SMG1: variants seen among roughly 807,000 people sequenced by gnomAD.
SMG1 encodes the protein serine/threonine-protein kinase SMG1.
In SMG1, 22 loss-of-function variants were observed where a neutral mutation model predicts 419.9. The observed-to-expected ratio is 0.05, with a 90% CI of 0.04 to 0.07. SMG1 has a LOEUF of 0.07. Among genes scored for constraint, SMG1 ranks in the 10% least tolerant of loss-of-function variants. The pLI is 1.00. For missense variants in SMG1, 3,185 were observed against 4,342.0 expected (o/e 0.73, Z 7.49); for synonymous variants, 1,538 against 1,553.5 (o/e 0.99, Z 0.23).
Position 18,817,431 on chromosome 16 carries a change from A to G in SMG1, c.9934T>C (p.Leu3312=). ...AAGGCTTCTGCAGTTCTTGTTCGTA[A>G]ACTTTCAAAATGAATGATATTGCTG... ...LCSNIIHFES[L]RTRTAEALNL... The change falls in exon 57 of 63, where the codon TTA becomes CTA. Residue 3312 remains leucine, a synonymous_variant. Transcript: ENST00000446231. The G allele has an allele frequency of 6.3e-7, 1 of 1,591,978 alleles. No homozygotes were observed. The highest frequency in any genetic ancestry group is 1.3e-5 in the African/African-American group (1 of 74,710).
chr16:18,874,866 C>CAAA (rs148468415), intron 13 of SMG1, among the ~76,000 whole-genome samples: 9 of 49,660 alleles, frequency 1.8e-4, no homozygotes, highest in South Asian at 9.7e-4. Context: ...GACTCTGTCT[C>CAAA]AAAAAAAAAA....
intron 51 of SMG1, among the ~76,000 whole-genome samples, chr16:18,831,814 AATAT>A (rs2033204766): frequency 6.7e-6 from 1 of 149,242 alleles, no homozygotes; most frequent in Non-Finnish European, 1.5e-5. Context: ...CATATTTATG[AATAT>A]ATATGAATAT....
intron 57 of SMG1, 41 bp from the exon 58 acceptor site, chr16:18,816,570 G>C: frequency 6.6e-7 from 1 of 1,522,662 alleles, no homozygotes; most frequent in Non-Finnish European, 9.0e-7. Context: ...AGTATCAGCT[G>C]AAATAATGAG....
chr16:18,848,614 G>A (rs2034404261), intron 36 of SMG1, among the ~76,000 whole-genome samples: 1 of 151,734 alleles, frequency 6.6e-6, no homozygotes, highest in Non-Finnish European at 1.5e-5. Flanking sequence ...CCAAAAATTG[G>A]TATAATTCTT....
At chr16:18,870,534 G>A in intron 18 of SMG1, 76 bp downstream of exon 18, 1 of 834,190 alleles carries the variant, frequency 1.2e-6, no homozygotes, top group Non-Finnish European at 2.0e-6. Context: ...TAGGTGATCT[G>A]TCTTCTCCTA....
In SMG1 at chr16:18,879,495, C is replaced by T. The variant is rs1284816169; in HGVS notation, c.1518G>A (p.Leu506=). 7.7e-6 allele frequency: 6 copies of T among 781,444 alleles called. No homozygotes were observed. In the Admixed American group the frequency reaches 1.0e-4, roughly 13 times the overall value. 48.4% of individuals were successfully genotyped at this position (781,444 alleles called of 1,614,324 possible). ...AAAAGGAAAAGAATAATTCACATAC[C>T]AGCGTGAGTAAATTCAAGACTGAGA... ...YIISVLNLLT[L]IVEQINTKLP... The change falls in exon 11 of 63, where the codon CTG becomes CTA. Residue 506 remains leucine (L), a splice_region_variant and synonymous_variant. Coordinates refer to ENST00000446231, the MANE Select transcript of SMG1 (RefSeq NM_015092.5).
intron 55 of SMG1, among the ~76,000 whole-genome samples, chr16:18,821,402 G>T (rs796673041): frequency 3.0e-5 from 1 of 33,822 alleles, no homozygotes; most frequent in Non-Finnish European, 6.4e-5. Context: ...TATCCCTCCC[G>T]CCTCCCCCGA....
At chr16:18,860,513 A>G (rs1253923696) in intron 26 of SMG1, among the ~76,000 whole-genome samples, 154 bp downstream of exon 26, 1 of 151,668 alleles carries the variant, frequency 6.6e-6, no homozygotes, top group Non-Finnish European at 1.5e-5. Flanking sequence ...CAAATCAAAC[A>G]TAAATAGGGC....
Position 18,811,809 on chromosome 16 carries a change from T to C in SMG1, c.10860A>G (p.Leu3620=), listed in dbSNP as rs2031430460. The C allele has an allele frequency of 1.2e-6, 2 of 1,614,030 alleles. No homozygotes were observed. Among genetic ancestry groups the C allele is most frequent in the Non-Finnish European group, 1.7e-6 (2 of 1,179,876 alleles). The change falls in exon 62 of 63, where the codon TTA becomes TTG. Residue 3620 remains leucine (L), a synonymous_variant. Transcript: ENST00000446231. ...VSVWKRVKAK[L]EGRDVDPNRR... ...TATTCGGATCAACATCTCGGCCCTC[T>C]AACTTGGCTTTCACTCTCTTCCACA...
intron 3 of SMG1, among the ~76,000 whole-genome samples, chr16:18,893,140 A>G (rs1236397747): frequency 3.3e-5 from 5 of 152,244 alleles, no homozygotes; most frequent in African/African-American, 1.2e-4. Flanking sequence ...TCTTATTCAC[A>G]TTATCATCAT....
chr16:18,843,936 GAC>G (rs912412815), intron 39 of SMG1, among the ~76,000 whole-genome samples: 148 of 152,072 alleles, frequency 9.7e-4, no homozygotes, highest in African/African-American at 3.5e-3. Context: ...CTAAAAGAGA[GAC>G]ACAGGTATTC....
chr16:18,829,634 G>A lies in SMG1; in HGVS notation c.9255C>T (p.Phe3085=), dbSNP rs1225548065. ...EDQMAKPIKA[F]TADFVRQLLI... ...AGAGCTGCCTCACAAAGTCAGCTGT[G>A]AATGCCTTGATAGGTTTGGCCATTT... Residue 3085 remains phenylalanine (F), a synonymous_variant, in exon 54 of 63, where the codon TTC becomes TTT. Coordinates refer to ENST00000446231, the MANE Select transcript of SMG1 (RefSeq NM_015092.5). The A allele has an allele frequency of 6.2e-7, 1 of 1,613,974 alleles. No individual in the cohort carries two copies. Among genetic ancestry groups the A allele is most frequent in the Non-Finnish European group, 8.5e-7 (1 of 1,179,880 alleles).
intron 1 of SMG1, among the ~76,000 whole-genome samples, chr16:18,922,488 A>T (rs1446568689): frequency 3.3e-5 from 5 of 152,148 alleles, no homozygotes; most frequent in Non-Finnish European, 7.3e-5. Flanking sequence ...TTCTTTGAGA[A>T]GGAGTCTTGC....
In SMG1 at chr16:18,816,081, T is replaced by C. The variant is rs146061948; in HGVS notation, c.10302+221A>G. The C allele has an allele frequency of 2.6e-3, 1,449 of 554,978 alleles. 1 individual carries two copies. The highest frequency in any genetic ancestry group is 3.8e-3 in the Non-Finnish European group (1,185 of 314,562). 34.4% of individuals were successfully genotyped at this position (554,978 alleles called of 1,614,324 possible). ...CAAGTTATATCACAATAAAGGAATC[T>C]AATTAAGCCTTAGCTTCTCTGTGTA... On this transcript the variant is annotated intron_variant, in intron 58 of 62. Coordinates refer to ENST00000446231, the MANE Select transcript of SMG1 (RefSeq NM_015092.5).
chr16:18,812,093 A>T lies in SMG1; in HGVS notation c.10656T>A (p.Pro3552=). 3 of 1,613,728 alleles carry T rather than the reference A, an allele frequency of 1.9e-6. No homozygotes were observed. Among genetic ancestry groups the T allele is most frequent in the Non-Finnish European group, 2.5e-6 (3 of 1,179,732 alleles). ...TTCTAGCATTCTGTGACATGACATCAGGCTGAGTCTTCTGGCCAGTGTTAC... is the reference window on the plus strand; with the variant it reads ...TTCTAGCATTCTGTGACATGACATCTGGCTGAGTCTTCTGGCCAGTGTTAC... ...VRSNTGQKTQ[P]DVMSQNARKL... Residue 3552 remains proline (P), a synonymous_variant, in exon 61 of 63, where the codon CCT becomes CCA. Coordinates refer to ENST00000446231, the MANE Select transcript of SMG1 (RefSeq NM_015092.5).
chr16:18,863,878 A>G, intron 24 of SMG1, 27 bp from the exon 25 acceptor site: 1 of 1,588,482 alleles, frequency 6.3e-7, no homozygotes, highest in East Asian at 2.2e-5. Context: ...AAATAAGAAG[A>G]GAGAGATTCA....
chr16:18,909,334 C>A (rs1380099314), intron 1 of SMG1, among the ~76,000 whole-genome samples: 1 of 151,818 alleles, frequency 6.6e-6, no homozygotes, highest in Non-Finnish European at 1.5e-5. Flanking sequence ...AAGAGCGAAA[C>A]TCCATCTCAA....
rs1209881710 is a variant in SMG1, at chr16:18,842,266, C to T, written c.6408G>A (p.Lys2136=). 1.2e-6 allele frequency: 2 copies of T among 1,613,840 alleles called. No homozygotes were observed. Among genetic ancestry groups the T allele is most frequent in the Admixed American group, 3.3e-5 (2 of 60,002 alleles). Residue 2136 remains lysine, a synonymous_variant, in exon 40 of 63, where the codon AAG becomes AAA. Transcript: ENST00000446231. ...GTITILPTKT[K]PKKLLFLGSD... ...ATCCAAGAAAGAGAAGTTTCTTTGG[C>T]TTGGTTTTAGTCGGTAAGATTGTGA...
chr16:18,813,578 G>A (rs1196477004), intron 60 of SMG1, among the ~76,000 whole-genome samples: 1 of 151,790 alleles, frequency 6.6e-6, no homozygotes, highest in Non-Finnish European at 1.5e-5. Flanking sequence ...TGTCAGATGA[G>A]TAGATTGCAA....
Sources: gnomAD v4.1 joint callset for allele counts (sites outside exome capture counted in the v4.1 genomes callset) on GRCh38, gnomAD v4.1.1 for gene constraint, MANE v1.5 for transcripts, NCBI Gene and HGNC (gene_info 2026-07-23, HGNC 2026-07-21) for gene names.